Variants in BAZ2B observed in about 807,000 individuals in gnomAD.
The protein encoded by BAZ2B is bromodomain adjacent to zinc finger domain protein 2B.
Under a neutral mutation model 246.0 loss-of-function variants are expected in BAZ2B, and 91 were observed. The ratio of observed to expected loss-of-function variants is 0.37; its 90% confidence interval spans 0.31 to 0.44. The LOEUF (loss-of-function observed/expected upper bound fraction) is 0.44, where lower values mean the gene tolerates loss of function less well. Among genes scored for constraint, BAZ2B ranks in the 20% least tolerant of loss-of-function variants. The pLI is 1.00. For synonymous variants in BAZ2B, 855 were observed against 860.0 expected (o/e 0.99, Z 0.10); for missense variants, 2,332 against 2,533.7 (o/e 0.92, Z 1.71).
At chr2:159,539,683 C>T (rs1192192864) in intron 2 of BAZ2B, among the ~76,000 whole-genome samples, 1 of 152,190 alleles carries the variant, frequency 6.6e-6, no homozygotes, top group Non-Finnish European at 1.5e-5. Context: ...CAAGACCAGC[C>T]TCAGCAACAT....
chr2:159,516,608 G>C (rs1017074975), intron 2 of BAZ2B: 4 of 152,566 alleles, frequency 2.6e-5, no homozygotes, highest in Admixed American at 2.0e-4. Context: ...TACTGTCGGA[G>C]AGGGTCAAAT....
chr2:159,357,310 C>T (rs1318660750), intron 27 of BAZ2B, among the ~76,000 whole-genome samples: 6 of 151,732 alleles, frequency 4.0e-5, no homozygotes, highest in South Asian at 2.1e-4. Context: ...AAACACAGCA[C>T]GAGAACTTCA....
intron 25 of BAZ2B, 56 bp from the exon 26 acceptor site, chr2:159,374,809 C>G: frequency 6.7e-7 from 1 of 1,493,230 alleles, no homozygotes; most frequent in East Asian, 2.3e-5. Flanking sequence ...TTTATTCAAT[C>G]AGTAAATATT....
At chr2:159,336,640 A>G (rs11673749) in intron 33 of BAZ2B, among the ~76,000 whole-genome samples, 140,104 of 152,280 alleles carry the variant, frequency 0.92, 65,598 homozygotes, top group East Asian at 1. Flanking sequence ...ACAGTGAAAC[A>G]GCCTTCAAGA....
intron 13 of BAZ2B, among the ~76,000 whole-genome samples, chr2:159,422,408 G>A (rs1309598117): frequency 6.6e-6 from 1 of 152,094 alleles, no homozygotes; most frequent in African/African-American, 2.4e-5. Flanking sequence ...CAGACCAATG[G>A]AACAGGACAG....
At chr2:159,377,910 A>G (rs1488720372) in intron 25 of BAZ2B, among the ~76,000 whole-genome samples, 1 of 152,196 alleles carries the variant, frequency 6.6e-6, no homozygotes, top group Non-Finnish European at 1.5e-5. Context: ...TGTAAAGAAT[A>G]AAATGTATGG....
At chr2:159,603,256 C>A (rs1692603597) in intron 1 of BAZ2B, among the ~76,000 whole-genome samples, 1 of 152,170 alleles carries the variant, frequency 6.6e-6, no homozygotes, top group Admixed American at 6.5e-5. Context: ...TAATTAAGAG[C>A]TAATAAACAA....
upstream of BAZ2B, chr2:159,616,818 A>AT (rs1461857365): frequency 6.6e-6 from 1 of 152,206 alleles, no homozygotes; most frequent in East Asian, 1.9e-4. Flanking sequence ...AGAAAACGGG[A>AT]TTTAAAACTT....
chr2:159,396,489 C>G (rs1459560434), intron 19 of BAZ2B: 1 of 152,096 alleles, frequency 6.6e-6, no homozygotes, highest in African/African-American at 2.4e-5. Flanking sequence ...ACAAAAGCTG[C>G]ACCATGGGCT....
intron 1 of BAZ2B, among the ~76,000 whole-genome samples, chr2:159,606,412 G>C (rs189508839): frequency 1.3e-3 from 194 of 152,102 alleles, no homozygotes; most frequent in African/African-American, 4.5e-3. Context: ...ACTTATACAC[G>C]GCTCCTGATT....
chr2:159,642,818 G>A, the BAZ2B span, among the ~76,000 whole-genome samples: 4 of 151,972 alleles, frequency 2.6e-5, no homozygotes, highest in Non-Finnish European at 5.9e-5. Context: ...TCTAAGCCTC[G>A]GTGAATTTCA....
the BAZ2B span, among the ~76,000 whole-genome samples, chr2:159,657,140 C>T: frequency 2.0e-5 from 3 of 152,068 alleles, no homozygotes; most frequent in African/African-American, 7.2e-5. Flanking sequence ...TTAGGTCTAT[C>T]CATGCTTAAT....
At chr2:159,390,046 G>A (rs1409646736) in intron 20 of BAZ2B, among the ~76,000 whole-genome samples, 1 of 152,060 alleles carries the variant, frequency 6.6e-6, no homozygotes, top group Non-Finnish European at 1.5e-5. Context: ...TCTGTTGTAG[G>A]GAATGACTTT....
chr2:159,448,508 T>C (rs1280214840), intron 4 of BAZ2B, 99 bp from the exon 5 acceptor site: 18 of 1,390,332 alleles, frequency 1.3e-5, no homozygotes, highest in Non-Finnish European at 1.6e-5. Context: ...AATTTCAAGT[T>C]TCATCTTGGA....
chr2:159,544,965 AAGTT>A (rs2087130531), intron 2 of BAZ2B, among the ~76,000 whole-genome samples: 1 of 152,210 alleles, frequency 6.6e-6, no homozygotes, highest in Non-Finnish European at 1.5e-5. Flanking sequence ...GACACTGAAA[AAGTT>A]AGCAAGACAG....
the BAZ2B span, among the ~76,000 whole-genome samples, chr2:159,675,959 G>A: frequency 2.6e-5 from 4 of 152,240 alleles, no homozygotes; most frequent in Admixed American, 6.5e-5. Flanking sequence ...GCAGTGGTGC[G>A]ATCTAGGCTC....
chr2:159,426,414 C>T (rs149600053), intron 13 of BAZ2B, among the ~76,000 whole-genome samples: 93 of 152,100 alleles, frequency 6.1e-4, no homozygotes, highest in African/African-American at 2.1e-3. Flanking sequence ...ACTTTTAAAA[C>T]GATTAAAGTT....
intron 9 of BAZ2B, 119 bp downstream of exon 9, chr2:159,432,638 C>T: frequency 1.5e-6 from 2 of 1,359,218 alleles, no homozygotes; most frequent in Non-Finnish European, 2.0e-6. Context: ...TAGAAATGCA[C>T]AAAGTTGTGT....
At chr2:159,709,877 A>T in the BAZ2B span, among the ~76,000 whole-genome samples, 3 of 152,350 alleles carry the variant, frequency 2.0e-5, no homozygotes, top group African/African-American at 7.2e-5. Flanking sequence ...AAAGGGGGAA[A>T]ATTGGTTAAT....
Sources: gnomAD v4.1 joint callset for allele counts (sites outside exome capture counted in the v4.1 genomes callset) on GRCh38, gnomAD v4.1.1 for gene constraint, MANE v1.5 for transcripts, NCBI Gene and HGNC (gene_info 2026-07-23, HGNC 2026-07-21) for gene names.